DERL3: variants seen among roughly 807,000 people sequenced by gnomAD.
DERL3 encodes derlin 3, also known as derlin-3.
In DERL3, 20 loss-of-function variants were observed where a neutral mutation model predicts 23.8. The ratio of observed to expected loss-of-function variants is 0.84; its 90% CI spans 0.59 to 1.22. The LOEUF is 1.22. DERL3 is among the 50% of genes most tolerant of loss of function. The probability of loss-of-function intolerance (pLI) is 0.00; values close to 1 mark genes in which losing one functional copy is unlikely to be tolerated. For missense variants in DERL3, 319 were observed against 304.1 expected, an observed-to-expected ratio of 1.05 and a Z score of -0.36; for synonymous variants, 145 against 132.5, an observed-to-expected ratio of 1.09 and a Z score of -0.65.
At position 23,836,561 on chromosome 22, in the gene DERL3, C is replaced by G. The variant is rs1371211624; in HGVS notation, c.*308G>C. 9.1e-7 allele frequency: 1 copy of G among 1,099,388 alleles called. No individual in the cohort carries two copies. The allele number at this position is 1,099,388 out of a possible 1,614,324, so 68.1% of individuals were successfully genotyped here. A position where few individuals can be genotyped will look rare whatever the true frequency, so the allele number is the denominator to read the frequency against. On this transcript the variant is annotated 3_prime_UTR_variant, in exon 7 of 7. Coordinates refer to ENST00000318109, the MANE Select transcript of DERL3 (RefSeq NM_001002862.3). ...TGAGCTCAAAAGCTCTGCCTGGCAA[C>G]CTGTGAGCTCAAAGCTCTGCCAGGC...
intron 3 of DERL3, 24 bp downstream of exon 3, chr22:23,838,540 C>T: frequency 6.3e-7 from 1 of 1,578,110 alleles, no homozygotes; most frequent in Non-Finnish European, 8.6e-7. Context: ...TCCACCCAGC[C>T]CGTGTCCGCA....
rs776528048 is a variant in DERL3 at position 23,836,035 on chromosome 22, G to T, written c.*834C>A. 32 of 985,496 alleles carry T rather than the reference G, an allele frequency of 3.2e-5. 1 individual carries two copies. Among genetic ancestry groups the T allele is most frequent in the Non-Finnish European group, 3.9e-5 (32 of 829,970 alleles). The allele number at this position is 985,496 out of a possible 1,614,324, so 61.0% of individuals were successfully genotyped here. On this transcript the variant is annotated 3_prime_UTR_variant, in exon 7 of 7. Coordinates refer to ENST00000318109, the MANE Select transcript of DERL3 (RefSeq NM_001002862.3). Reference sequence around the variant, plus strand: ...CAGAAATAAACCACAACATGGACAGGCTTAGAACAACAAGGAAAGCTGCCA... The same window carrying T: ...CAGAAATAAACCACAACATGGACAGTCTTAGAACAACAAGGAAAGCTGCCA...
chr22:23,837,720 C>A lies in DERL3; in HGVS notation c.462G>T (p.Leu154=), dbSNP rs139269814. 9.9e-6 allele frequency: 16 copies of A among 1,613,912 alleles called. No individual in the cohort carries two copies. The highest frequency in any genetic ancestry group is 1.4e-5 in the Non-Finnish European group (16 of 1,180,014). Reference sequence around the variant, plus strand: ...GCGAGAAGCCCATGAGCGCCCAAGGCAGGAACGGTGCCTGGAAAGTGAGCA... The same window carrying A: ...GCGAGAAGCCCATGAGCGCCCAAGGAAGGAACGGTGCCTGGAAAGTGAGCA... The part of the protein sequence containing the change: ...FGLLTFQAPF[L]PWALMGFSLL... The change falls in exon 5 of 7, where the codon CTG becomes CTT. Residue 154 remains leucine (L), a synonymous_variant. Transcript: ENST00000318109.
In DERL3 at chr22:23,838,933, C is replaced by G. The variant is rs781340381; in HGVS notation, c.55G>C (p.Ala19Pro). ...EFLQVPAVTR[A>P]YTAACVLTTA... is the part of the protein sequence containing the mutation. ...GTGAGGACACAGGCTGCGGTGTAAG[C>G]CCGCGTCACCGCCGGCACCTGCAGG... is the stretch of plus-strand genomic sequence containing the variant. Residue 19 changes from alanine (A) to proline (P), a missense_variant, in exon 1 of 7, where the codon GCT (alanine) becomes CCT (proline). By Grantham distance (27) the Ala-to-Pro change is conservative. Transcript: ENST00000318109. 3 of 1,580,012 alleles carry G rather than the reference C, an allele frequency of 1.9e-6. No homozygotes were observed. The highest frequency in any genetic ancestry group is 3.4e-4 in the Middle Eastern group (2 of 5,920).
At position 23,834,603 on chromosome 22, in the gene DERL3, A is replaced by T. The variant is rs1181801954; in HGVS notation, c.*2266T>A. The stretch of plus-strand genomic sequence containing the variant: ...CGGGGCCTGGGGGGACGAAGGTGGT[A>T]TGTGAACAAGGTTGGCACACAGGCC... On this transcript the variant is annotated 3_prime_UTR_variant, in exon 7 of 7. Coordinates refer to ENST00000318109, the MANE Select transcript of DERL3 (RefSeq NM_001002862.3). 1 of 724,134 alleles carries T rather than the reference A, an allele frequency of 1.4e-6. No homozygotes were observed. Among genetic ancestry groups the T allele is most frequent in the African/African-American group, 1.7e-5 (1 of 57,192 alleles). The allele number at this position is 724,134 out of a possible 1,614,324, so 44.9% of individuals were successfully genotyped here. A position where few individuals can be genotyped will look rare whatever the true frequency, so the allele number is the denominator to read the frequency against.
chr22:23,837,538 G>A (rs2031175125), intron 5 of DERL3, 121 bp downstream of exon 5: 7 of 1,057,314 alleles, frequency 6.6e-6, no homozygotes, highest in African/African-American at 1.6e-5. Flanking sequence ...CAGGAAGATG[G>A]GGATGGAGCC....
Position 23,838,646 on chromosome 22 carries a change from G to A in DERL3, c.160-9C>T, listed in dbSNP as rs771841095. ...GTGACGAGCCTCCAGACCTACGGGGGACGGGCGGTCAGGTGCGGGGTGGGT... is the reference window on the plus strand; with the variant it reads ...GTGACGAGCCTCCAGACCTACGGGGAACGGGCGGTCAGGTGCGGGGTGGGT... On this transcript the variant is annotated splice_polypyrimidine_tract_variant and intron_variant, in intron 2 of 6. Transcript: ENST00000318109. 1.3e-6 allele frequency: 2 copies of A among 1,562,498 alleles called. No homozygotes were observed. Among genetic ancestry groups the A allele is most frequent in the Non-Finnish European group, 8.7e-7 (1 of 1,153,926 alleles).
Position 23,838,613 on chromosome 22 carries a change from G to C in DERL3, c.184C>G (p.Leu62Val). The C allele has an allele frequency of 6.3e-7, 1 of 1,582,074 alleles. No homozygotes were observed. The highest frequency in any genetic ancestry group is 8.6e-7 in the Non-Finnish European group (1 of 1,164,462). ...FQVWRLVTNF[L>V]FFGPLGFSFF... Reference sequence around the variant, plus strand: ...CTGAATCCCAGGGGCCCGAAGAAGAGGAAGTTGGTGACGAGCCTCCAGACC... The same window carrying C: ...CTGAATCCCAGGGGCCCGAAGAAGACGAAGTTGGTGACGAGCCTCCAGACC... The change falls in exon 3 of 7, where the codon CTC (leucine) becomes GTC (valine). Residue 62 changes from leucine (L) to valine (V), a missense_variant. Leu to Val is a conservative substitution (Grantham distance 32, BLOSUM62 1). Coordinates refer to ENST00000318109, the MANE Select transcript of DERL3 (RefSeq NM_001002862.3).
In DERL3 at chr22:23,834,588, G is replaced by A. The variant is rs949785626; in HGVS notation, c.*2281C>T. ...AGCCAGGAGTGGGGCCGGGGCCTGG[G>A]GGGACGAAGGTGGTATGTGAACAAG... On this transcript the variant is annotated 3_prime_UTR_variant, in exon 7 of 7. Transcript: ENST00000318109. 3.7e-5 allele frequency: 26 copies of A among 710,390 alleles called. No homozygotes were observed. Among genetic ancestry groups the A allele is most frequent in the South Asian group, 6.0e-5 (4 of 66,388 alleles). The allele number at this position is 710,390 out of a possible 1,614,324, so 44.0% of individuals were successfully genotyped here.
rs1398038819 is a variant in DERL3, at chr22:23,835,872, G to T, written c.*997C>A. On this transcript the variant is annotated 3_prime_UTR_variant, in exon 7 of 7. Transcript: ENST00000318109. The stretch of plus-strand genomic sequence containing the variant: ...CCGGGAAGGCTGGGCCCTCACTCCT[G>T]ACCGCCAGCTCACACCGCCGCAAAG... 12 of 985,356 alleles carry T rather than the reference G, an allele frequency of 1.2e-5. No individual in the cohort carries two copies. The highest frequency in any genetic ancestry group is 1.4e-5 in the Non-Finnish European group (12 of 829,980). 61.0% of individuals were successfully genotyped at this position (985,356 alleles called of 1,614,324 possible).
Position 23,835,121 on chromosome 22 carries a change from C to G in DERL3, c.*1748G>C. 2 of 1,369,114 alleles carry G rather than the reference C, an allele frequency of 1.5e-6. No individual in the cohort carries two copies. The highest frequency in any genetic ancestry group is 1.9e-6 in the Non-Finnish European group (2 of 1,064,138). The allele number at this position is 1,369,114 out of a possible 1,614,324, so 84.8% of individuals were successfully genotyped here. Reference sequence around the variant, plus strand: ...GTGAGGAATATGGGAATAGCCCTCCCGGCCTGGTGCCAGCTCTTGGAGTTG... The same window carrying G: ...GTGAGGAATATGGGAATAGCCCTCCGGGCCTGGTGCCAGCTCTTGGAGTTG... On this transcript the variant is annotated 3_prime_UTR_variant, in exon 7 of 7. Coordinates refer to ENST00000318109, the MANE Select transcript of DERL3 (RefSeq NM_001002862.3).
Position 23,836,163 on chromosome 22 carries a change from A to T in DERL3, c.*706T>A, listed in dbSNP as rs2031031533. On this transcript the variant is annotated 3_prime_UTR_variant, in exon 7 of 7. Coordinates refer to ENST00000318109, the MANE Select transcript of DERL3 (RefSeq NM_001002862.3). ...CCTTCCAGAAGTCCCTGCCTCACCC[A>T]GTCTCAGAACTCTGCTAAGGTGAAA... 1.0e-6 allele frequency: 1 copy of T among 985,350 alleles called. No individual in the cohort carries two copies. The highest frequency in any genetic ancestry group is 4.7e-5 in the South Asian group (1 of 21,288). The allele number at this position is 985,350 out of a possible 1,614,324, so 61.0% of individuals were successfully genotyped here.
In DERL3 at chr22:23,835,324, A is replaced by C. The variant is rs9612484; in HGVS notation, c.*1545T>G. The C allele has an allele frequency of 0.49, 493,769 of 1,012,928 alleles. 125,680 individuals carry two copies. Among genetic ancestry groups the C allele is most frequent in the Admixed American group, 0.52 (8,911 of 17,080 alleles). The allele number at this position is 1,012,928 out of a possible 1,614,324, so 62.7% of individuals were successfully genotyped here. ...TCCAGCCTTACTGAAGAGAATGGGC[A>C]CAGATCCGGGCACAGATCCCAGCAC... On this transcript the variant is annotated 3_prime_UTR_variant, in exon 7 of 7. Coordinates refer to ENST00000318109, the MANE Select transcript of DERL3 (RefSeq NM_001002862.3).
At chr22:23,837,274 C>T in intron 5 of DERL3, 120 bp from the exon 6 acceptor site, 1 of 1,298,934 alleles carries the variant, frequency 7.7e-7, no homozygotes, top group Admixed American at 2.5e-5. Context: ...AGCATGAGTG[C>T]CCCAAAGCCT....
rs950819212 is a variant in DERL3, at chr22:23,836,671, G to T, written c.*198C>A. The T allele has an allele frequency of 1.1e-4, 140 of 1,275,374 alleles. No homozygotes were observed. The highest frequency in any genetic ancestry group is 1.3e-4 in the Non-Finnish European group (135 of 1,016,748). 79.0% of individuals were successfully genotyped at this position (1,275,374 alleles called of 1,614,324 possible). A position where few individuals can be genotyped will look rare whatever the true frequency, so the allele number is the denominator to read the frequency against. On this transcript the variant is annotated 3_prime_UTR_variant, in exon 7 of 7. Transcript: ENST00000318109. ...CTGAGAGGCCACACTGAGTGAGGAC[G>T]GGGCAGGCATAGAAGGATGTGGCCA... is the stretch of plus-strand genomic sequence containing the variant.
chr22:23,838,218 G>A (rs2031260903), intron 4 of DERL3, 134 bp downstream of exon 4: 1 of 1,549,294 alleles, frequency 6.5e-7, no homozygotes, highest in Non-Finnish European at 8.7e-7. Context: ...AGCACAGAGT[G>A]GGCCCTCAAC....
Position 23,834,539 on chromosome 22 carries a change from A to ACAGGTC in DERL3, c.*2329_*2330insGACCTG. On this transcript the variant is annotated 3_prime_UTR_variant, in exon 7 of 7. Coordinates refer to ENST00000318109, the MANE Select transcript of DERL3 (RefSeq NM_001002862.3). ...CAACAGGTCATGTTCAATTTCTTCA[A>ACAGGTC]AGTTTTAACATAAAAATAATGAGAG... 2 of 688,574 alleles carry ACAGGTC rather than the reference A, an allele frequency of 2.9e-6. No individual in the cohort carries two copies. The highest frequency in any genetic ancestry group is 1.8e-5 in the African/African-American group (1 of 56,088). 42.7% of individuals were successfully genotyped at this position (688,574 alleles called of 1,614,324 possible). A position where few individuals can be genotyped will look rare whatever the true frequency, so the allele number is the denominator to read the frequency against.
Position 23,836,681 on chromosome 22 carries a change from T to C in DERL3, c.*188A>G, listed in dbSNP as rs1178239555. ...ACACTGAGTGAGGACGGGGCAGGCA[T>C]AGAAGGATGTGGCCAGGTGAGATGG... On this transcript the variant is annotated 3_prime_UTR_variant, in exon 7 of 7. Coordinates refer to ENST00000318109, the MANE Select transcript of DERL3 (RefSeq NM_001002862.3). 3.8e-6 allele frequency: 5 copies of C among 1,301,716 alleles called. No homozygotes were observed. Among genetic ancestry groups the C allele is most frequent in the Non-Finnish European group, 4.8e-6 (5 of 1,031,870 alleles). The allele number at this position is 1,301,716 out of a possible 1,614,324, so 80.6% of individuals were successfully genotyped here.
At position 23,838,553 on chromosome 22, in the gene DERL3, G is replaced by A; in HGVS notation, c.233+11C>T. 1.3e-6 allele frequency: 2 copies of A among 1,582,264 alleles called. No homozygotes were observed. Among genetic ancestry groups the A allele is most frequent in the East Asian group, 4.7e-5 (2 of 42,580 alleles). ...CCTCCACCCAGCCCGTGTCCGCAGGGCGCAGGATACACGAAGAGCATGTTG... is the reference window on the plus strand; with the variant it reads ...CCTCCACCCAGCCCGTGTCCGCAGGACGCAGGATACACGAAGAGCATGTTG... On this transcript the variant is annotated intron_variant, in intron 3 of 6. Coordinates refer to ENST00000318109, the MANE Select transcript of DERL3 (RefSeq NM_001002862.3).
Sources: gnomAD v4.1 joint callset for allele counts on GRCh38, gnomAD v4.1.1 for gene constraint, MANE v1.5 for transcripts, NCBI Gene and HGNC (gene_info 2026-07-23, HGNC 2026-07-21) for gene names.